NAGLU: variants seen among roughly 807,000 people sequenced by gnomAD.
NAGLU encodes the protein alpha-N-acetylglucosaminidase.
NAGLU carries 34 observed loss-of-function variants against 43.4 expected under a neutral mutation model. The observed-to-expected ratio is 0.78, with a 90% CI of 0.60 to 1.04. NAGLU has a LOEUF of 1.04. NAGLU is among the 50% of genes least tolerant of loss of function. The pLI is 0.00. For missense variants in NAGLU, 910 were observed against 993.7 expected, an observed-to-expected ratio of 0.92 and a Z score of 1.13; for synonymous variants, 425 against 437.6, an observed-to-expected ratio of 0.97 and a Z score of 0.36.
rs376002927 is a variant in NAGLU, at chr17:42,538,518, G to T, written c.678+33G>T. ...GATGGAAAAGGGAAGGGGCAGAATC[G>T]GTGATAGATGGTCATGGGCCCAGGA... is the stretch of plus-strand genomic sequence containing the variant. On this transcript the variant is annotated intron_variant, in intron 3 of 5. Coordinates refer to ENST00000225927, the MANE Select transcript of NAGLU (RefSeq NM_000263.4). 4 of 1,613,626 alleles carry T rather than the reference G, an allele frequency of 2.5e-6. No individual in the cohort carries two copies. In the South Asian group the frequency reaches 4.4e-5, roughly 18 times the overall value.
Position 42,544,441 on chromosome 17 carries a change from C to A in NAGLU, c.*203C>A, listed in dbSNP as rs1012312991. ...GTGGGATTAAAGTACTGTTTTCTTT[C>A]CACTTAAACTGATGAGTCCCCTGGG... On this transcript the variant is annotated 3_prime_UTR_variant, in exon 6 of 6. Coordinates refer to ENST00000225927, the MANE Select transcript of NAGLU (RefSeq NM_000263.4). The A allele has an allele frequency of 1.3e-6, 1 of 750,554 alleles. No individual in the cohort carries two copies. Among genetic ancestry groups the A allele is most frequent in the Non-Finnish European group, 2.1e-6 (1 of 467,616 alleles). 46.5% of individuals were successfully genotyped at this position (750,554 alleles called of 1,614,324 possible).
chr17:42,538,385 T>C lies in NAGLU; in HGVS notation c.578T>C (p.Phe193Ser). ...GLTQAEINEFFTGPAFLAWGR... is the reference protein window; with the variant it reads ...GLTQAEINEFSTGPAFLAWGR... ...ACCCAGGCAGAGATCAATGAGTTCT[T>C]TACTGGTCCTGCCTTCCTGGCCTGG... Residue 193 changes from phenylalanine to serine, a missense_variant, in exon 3 of 6, where the codon TTT becomes TCT. Coordinates refer to ENST00000225927, the MANE Select transcript of NAGLU (RefSeq NM_000263.4). The C allele has an allele frequency of 6.2e-7, 1 of 1,614,236 alleles. No individual in the cohort carries two copies. Among genetic ancestry groups the C allele is most frequent in the East Asian group, 2.2e-5 (1 of 44,888 alleles).
At position 42,537,431 on chromosome 17, in the gene NAGLU, C is replaced by T. The variant is rs766199293; in HGVS notation, c.417C>T (p.Ser139=). The change falls in exon 2 of 6, where the codon AGC becomes AGT. Residue 139 remains serine (S), a synonymous_variant. Coordinates refer to ENST00000225927, the MANE Select transcript of NAGLU (RefSeq NM_000263.4). ...YRYYQNVCTQ[S]YSFVWWDWAR... ...ATTACCAGAATGTGTGCACGCAAAGCTACTCTTTCGTGTGGTGGGACTGGG... is the reference window on the plus strand; with the variant it reads ...ATTACCAGAATGTGTGCACGCAAAGTTACTCTTTCGTGTGGTGGGACTGGG... 9.9e-6 allele frequency: 16 copies of T among 1,614,246 alleles called. No individual in the cohort carries two copies. The South Asian group carries it at 1.8e-4, about 18-fold the overall frequency.
At chr17:42,537,007 A>G (rs1242288307) in intron 1 of NAGLU, 8 of 453,474 alleles carry the variant, frequency 1.8e-5, no homozygotes, top group Non-Finnish European at 3.2e-5. Flanking sequence ...CCCACCCTAC[A>G]GGCCTGTGTT....
chr17:42,536,400 GC>G lies in NAGLU; in HGVS notation c.132del (p.Ala45ArgfsTer77). 8.1e-7 allele frequency: 1 copy of G among 1,229,754 alleles called. No homozygotes were observed. Among genetic ancestry groups the G allele is most frequent in the Non-Finnish European group, 1.0e-6 (1 of 977,670 alleles). 76.2% of individuals were successfully genotyped at this position (1,229,754 alleles called of 1,614,324 possible). A position where few individuals can be genotyped will look rare whatever the true frequency, so the allele number is the denominator to read the frequency against. The stretch of plus-strand genomic sequence containing the variant: ...CTCGTGGCCCGGCTGCTGGGGCCAG[GC>G]CCCGCGGCCGACTTCTCCGTGTCGG... The part of the protein sequence containing the change: ...RALVARLLGP[G>X]PAADFSVSVE... On this transcript the variant is annotated frameshift_variant, in exon 1 of 6. Coordinates refer to ENST00000225927, the MANE Select transcript of NAGLU (RefSeq NM_000263.4). LOFTEE classifies it high-confidence loss of function.
intron 5 of NAGLU, among the ~76,000 whole-genome samples, chr17:42,542,311 A>G (rs554059520): frequency 9.2e-5 from 14 of 152,214 alleles, no homozygotes; most frequent in Middle Eastern, 3.4e-3. Context: ...TGATTCGCCC[A>G]CTTCAGCCTC....
In NAGLU at chr17:42,543,074, C is replaced by T. The variant is rs753745933; in HGVS notation, c.1068C>T (p.His356=). 17 of 1,609,288 alleles carry T rather than the reference C, an allele frequency of 1.1e-5. No homozygotes were observed. In the Admixed American group the frequency reaches 1.5e-4, roughly 14 times the overall value. Residue 356 remains histidine, a synonymous_variant, in exon 6 of 6, where the codon CAC becomes CAT. Coordinates refer to ENST00000225927, the MANE Select transcript of NAGLU (RefSeq NM_000263.4). ...TGCTCCAAGGCTGGCTCTTCCAGCA[C>T]CAGCCGCAGTTCTGGGGGCCCGCCC... ...VWLLQGWLFQ[H]QPQFWGPAQI...
chr17:42,536,420 G>C lies in NAGLU; in HGVS notation c.148G>C (p.Val50Leu). The C allele has an allele frequency of 1.6e-6, 2 of 1,249,796 alleles. No homozygotes were observed. The highest frequency in any genetic ancestry group is 2.0e-6 in the Non-Finnish European group (2 of 987,576). The allele number at this position is 1,249,796 out of a possible 1,614,324, so 77.4% of individuals were successfully genotyped here. A position where few individuals can be genotyped will look rare whatever the true frequency, so the allele number is the denominator to read the frequency against. The change falls in exon 1 of 6, where the codon GTG (valine) becomes CTG (leucine). Residue 50 changes from valine to leucine, a missense_variant. Coordinates refer to ENST00000225927, the MANE Select transcript of NAGLU (RefSeq NM_000263.4). The stretch of plus-strand genomic sequence containing the variant: ...GCCAGGCCCCGCGGCCGACTTCTCC[G>C]TGTCGGTGGAGCGCGCTCTGGCTGC... ...LGPGPAADFS[V>L]SVERALAAKP...
intron 2 of NAGLU, among the ~76,000 whole-genome samples, chr17:42,538,124 C>T (rs2092911888): frequency 6.6e-6 from 1 of 152,198 alleles, no homozygotes; most frequent in Non-Finnish European, 1.5e-5. Context: ...CCTTTGTGCC[C>T]CATCTCCTCA....
Position 42,537,523 on chromosome 17 carries a change from G to T in NAGLU, c.509G>T (p.Gly170Val). 1 of 1,614,018 alleles carries T rather than the reference G, an allele frequency of 6.2e-7. No homozygotes were observed. Among genetic ancestry groups the T allele is most frequent in the Non-Finnish European group, 8.5e-7 (1 of 1,179,950 alleles). Residue 170 changes from glycine to valine, a missense_variant, in exon 2 of 6, where the codon GGC becomes GTC. Physicochemically the swap from Gly to Val is moderately radical, Grantham distance 109 (BLOSUM62 -3). Coordinates refer to ENST00000225927, the MANE Select transcript of NAGLU (RefSeq NM_000263.4). Reference protein sequence around the residue: ...NGINLALAWSGQEAIWQRVYL... With the variant: ...NGINLALAWSVQEAIWQRVYL... ...ATCAACCTGGCACTGGCCTGGAGCG[G>T]CCAGGAGGCCATCTGGCAGCGGGTG...
intron 1 of NAGLU, 105 bp downstream of exon 1, chr17:42,536,760 C>G: frequency 7.5e-7 from 1 of 1,338,832 alleles, no homozygotes; most frequent in South Asian, 1.8e-5. Flanking sequence ...GCCGGAAGGC[C>G]CAGCTGCGCC....
chr17:42,537,362 G>A (rs1481143511), intron 1 of NAGLU, 36 bp from the exon 2 acceptor site: 1 of 1,613,514 alleles, frequency 6.2e-7, no homozygotes, highest in Non-Finnish European at 8.5e-7. Flanking sequence ...GACCCTCCAG[G>A]GTGGGATGCG....
In NAGLU at chr17:42,537,446, G is replaced by A. The variant is rs748042028; in HGVS notation, c.432G>A (p.Trp144Ter). The A allele has an allele frequency of 2.5e-6, 4 of 1,614,262 alleles. No homozygotes were observed. In the Admixed American group the frequency reaches 6.7e-5, roughly 27 times the overall value. Reference sequence around the variant, plus strand: ...GCACGCAAAGCTACTCTTTCGTGTGGTGGGACTGGGCCCGCTGGGAGCGAG... The same window carrying A: ...GCACGCAAAGCTACTCTTTCGTGTGATGGGACTGGGCCCGCTGGGAGCGAG... ...NVCTQSYSFV[W>*]WDWARWEREI... is the part of the protein sequence containing the mutation. The change falls in exon 2 of 6, where the codon TGG (tryptophan) becomes TGA (stop). Residue 144 changes from tryptophan (W) to a stop codon, truncating the protein, a stop_gained. Coordinates refer to ENST00000225927, the MANE Select transcript of NAGLU (RefSeq NM_000263.4). LOFTEE classifies it high-confidence loss of function.
At position 42,540,963 on chromosome 17, in the gene NAGLU, G is replaced by A. The variant is rs747812274; in HGVS notation, c.778G>A (p.Val260Ile). ...GCTCCCCACTAGGGTGTTCCCTCAG[G>A]TCAATGTCACGAAGATGGGCAGTTG... ...PEAVTRVFPQ[V>I]NVTKMGSWGH... The change falls in exon 5 of 6, where the codon GTC becomes ATC. Residue 260 changes from valine to isoleucine, a missense_variant. Coordinates refer to ENST00000225927, the MANE Select transcript of NAGLU (RefSeq NM_000263.4). The A allele has an allele frequency of 1.9e-6, 3 of 1,614,066 alleles. No individual in the cohort carries two copies. Among genetic ancestry groups the A allele is most frequent in the Admixed American group, 1.7e-5 (1 of 60,004 alleles).
chr17:42,544,385 A>AGGTCATTTCCCTCC lies in NAGLU; in HGVS notation c.*147_*148insGGTCATTTCCCTCC. ...GGTCTGACCTGGGGGGATTGGAGGGAAATGACCTGCCCTCCACCACCACCC... is the reference window on the plus strand; with the variant it reads ...GGTCTGACCTGGGGGGATTGGAGGGAGGTCATTTCCCTCCAATGACCTGCCCTCCACCACCACCC... On this transcript the variant is annotated 3_prime_UTR_variant, in exon 6 of 6. Transcript: ENST00000225927. 2.5e-6 allele frequency: 3 copies of AGGTCATTTCCCTCC among 1,209,628 alleles called. No individual in the cohort carries two copies. Among genetic ancestry groups the AGGTCATTTCCCTCC allele is most frequent in the Non-Finnish European group, 2.3e-6 (2 of 853,090 alleles). 74.9% of individuals were successfully genotyped at this position (1,209,628 alleles called of 1,614,324 possible).
Position 42,536,517 on chromosome 17 carries a change from G to C in NAGLU, c.245G>C (p.Gly82Ala). Residue 82 changes from glycine (G) to alanine (A), a missense_variant, in exon 1 of 6, where the codon GGC (glycine) becomes GCC (alanine). Gly to Ala is a moderately conservative substitution (Grantham distance 60, BLOSUM62 0). Transcript: ENST00000225927. ...AARVRVRGSTGVAAAAGLHRY... is the reference protein window; with the variant it reads ...AARVRVRGSTAVAAAAGLHRY... The stretch of plus-strand genomic sequence containing the variant: ...CGCGTGCGGGTGCGCGGCTCCACGG[G>C]CGTGGCGGCCGCCGCGGGGCTGCAC... The C allele has an allele frequency of 2.3e-6, 3 of 1,298,408 alleles. No homozygotes were observed. The highest frequency in any genetic ancestry group is 2.9e-6 in the Non-Finnish European group (3 of 1,024,628). 80.4% of individuals were successfully genotyped at this position (1,298,408 alleles called of 1,614,324 possible). A position where few individuals can be genotyped will look rare whatever the true frequency, so the allele number is the denominator to read the frequency against.
At chr17:42,542,205 G>A (rs1267002870) in intron 5 of NAGLU, among the ~76,000 whole-genome samples, 1 of 152,084 alleles carries the variant, frequency 6.6e-6, no homozygotes, top group East Asian at 1.9e-4. Context: ...TGGGATTACA[G>A]GCGCCCCCCA....
chr17:42,542,733 A>T (rs1388334893), intron 5 of NAGLU, among the ~76,000 whole-genome samples: 2 of 152,244 alleles, frequency 1.3e-5, no homozygotes, highest in Non-Finnish European at 1.5e-5. Flanking sequence ...GGCTCAAGTG[A>T]TCCACCTGCT....
intron 5 of NAGLU, 93 bp from the exon 6 acceptor site, chr17:42,542,935 G>C: frequency 6.4e-7 from 1 of 1,570,660 alleles, no homozygotes; most frequent in Non-Finnish European, 8.6e-7. Context: ...CCATGACCTG[G>C]GATAGACAGT....
Sources: gnomAD v4.1 joint callset for allele counts (sites outside exome capture counted in the v4.1 genomes callset) on GRCh38, gnomAD v4.1.1 for gene constraint, MANE v1.5 for transcripts, NCBI Gene and HGNC (gene_info 2026-07-23, HGNC 2026-07-21) for gene names.